PTPRA: variants seen among roughly 807,000 people sequenced by gnomAD.
PTPRA encodes receptor-type tyrosine-protein phosphatase alpha.
In PTPRA, 25 loss-of-function variants were observed where a neutral mutation model predicts 104.8. The ratio of observed to expected loss-of-function variants is 0.24; its 90% confidence interval spans 0.17 to 0.33. The LOEUF is 0.33. Among genes scored for constraint, PTPRA ranks in the 10% least tolerant of loss-of-function variants. PTPRA has a pLI of 1.00. For synonymous variants in PTPRA, 323 were observed against 368.9 expected (o/e 0.88, Z 1.43); for missense variants, 765 against 1,015.3 (o/e 0.75, Z 3.35).
Position 3,038,209 on chromosome 20 carries a change from A to C in PTPRA, c.*76A>C. 2 of 1,352,732 alleles carry C rather than the reference A, an allele frequency of 1.5e-6. No individual in the cohort carries two copies. The highest frequency in any genetic ancestry group is 2.1e-6 in the Non-Finnish European group (2 of 948,576). The allele number at this position is 1,352,732 out of a possible 1,614,324, so 83.8% of individuals were successfully genotyped here. A position where few individuals can be genotyped will look rare whatever the true frequency, so the allele number is the denominator to read the frequency against. ...TATTCTGTTTTGTTAATATACCCCA[A>C]ATTGTGTATATATCTTATAACTGTT... On this transcript the variant is annotated 3_prime_UTR_variant, in exon 24 of 24. Transcript: ENST00000399903.
the PTPRA span, among the ~76,000 whole-genome samples, chr20:2,867,350 A>G: frequency 1.3e-5 from 2 of 152,320 alleles, no homozygotes; most frequent in East Asian, 3.9e-4. Flanking sequence ...AGCAATTCCA[A>G]GTTGTCTCTG....
At chr20:2,952,463 C>T (rs2061386116) in intron 3 of PTPRA, among the ~76,000 whole-genome samples, 1 of 151,766 alleles carries the variant, frequency 6.6e-6, no homozygotes, top group Non-Finnish European at 1.5e-5. Context: ...ATCTGGATAC[C>T]AATCCTTTGT....
chr20:2,938,200 T>A (rs2060777932), intron 2 of PTPRA, among the ~76,000 whole-genome samples: 1 of 152,146 alleles, frequency 6.6e-6, no homozygotes, highest in Non-Finnish European at 1.5e-5. Context: ...TTTTCCTTTT[T>A]TTGAGACGGA....
intron 9 of PTPRA, among the ~76,000 whole-genome samples, chr20:2,991,519 T>C (rs2063174151): frequency 6.6e-6 from 1 of 152,250 alleles, no homozygotes; most frequent in African/African-American, 2.4e-5. Context: ...CTATACTTTT[T>C]TTCTGACAAA....
intron 5 of PTPRA, among the ~76,000 whole-genome samples, chr20:2,972,657 G>A (rs2062240662): frequency 6.6e-6 from 1 of 151,688 alleles, no homozygotes; most frequent in South Asian, 2.1e-4. Context: ...TTTTTGATAA[G>A]TTTTAGTTTT....
intron 5 of PTPRA, among the ~76,000 whole-genome samples, chr20:2,973,736 C>G (rs1259336248): frequency 6.6e-6 from 1 of 152,134 alleles, no homozygotes; most frequent in Non-Finnish European, 1.5e-5. Context: ...ATCCCGTTGG[C>G]TAGAATTCAT....
intron 1 of PTPRA, among the ~76,000 whole-genome samples, chr20:2,916,840 A>T (rs972286854): frequency 6.6e-6 from 1 of 152,208 alleles, no homozygotes; most frequent in Admixed American, 6.5e-5. Flanking sequence ...GTGCTTTGCA[A>T]TAAGTTTTGA....
the PTPRA span, chr20:2,865,083 C>A: frequency 6.2e-7 from 1 of 1,614,190 alleles, no homozygotes; most frequent in African/African-American, 1.3e-5. This position sits in a 1 kb window ranked among gnomAD's most constrained non-coding sequence, Gnocchi z 5.2. Flanking sequence ...CCAAGAGCCT[C>A]CTCGTCTCCT....
intron 16 of PTPRA, among the ~76,000 whole-genome samples, chr20:3,023,158 T>C (rs1293950555): frequency 2.0e-5 from 3 of 152,188 alleles, no homozygotes; most frequent in Admixed American, 2.0e-4. Flanking sequence ...TTGTTAAAAA[T>C]GTGTTTGCAG....
intron 1 of PTPRA, among the ~76,000 whole-genome samples, chr20:2,910,578 G>GTTTCTTTT (rs1337126801): frequency 2.2e-4 from 7 of 32,422 alleles, no homozygotes; most frequent in East Asian, 1.8e-3. Flanking sequence ...TGCCCAGCTA[G>GTTTCTTTT]TTTTTTTTTT....
At chr20:2,972,184 ATCT>A (rs2062219506) in intron 5 of PTPRA, among the ~76,000 whole-genome samples, 1 of 151,758 alleles carries the variant, frequency 6.6e-6, no homozygotes, top group African/African-American at 2.4e-5. Context: ...TAATTCTTTA[ATCT>A]TCTTAATTTT....
chr20:3,031,253 A>C (rs774877727), intron 20 of PTPRA, among the ~76,000 whole-genome samples: 1 of 152,088 alleles, frequency 6.6e-6, no homozygotes, highest in African/African-American at 2.4e-5. Context: ...ACTTCATGCT[A>C]TCTGGTGGAA....
chr20:2,900,970 T>TTTTTG (rs1005372352), intron 1 of PTPRA, among the ~76,000 whole-genome samples: 54 of 152,178 alleles, frequency 3.5e-4, no homozygotes, highest in African/African-American at 1.2e-3. Flanking sequence ...AATTTTGTTT[T>TTTTTG]TTTTGTTTTG....
At chr20:3,026,140 G>A (rs1401016619) in intron 17 of PTPRA, among the ~76,000 whole-genome samples, 1 of 151,774 alleles carries the variant, frequency 6.6e-6, no homozygotes, top group Non-Finnish European at 1.5e-5. Context: ...GTTTCACCAT[G>A]TTGGCCATGC....
chr20:3,011,641 A>T (rs1315503548), intron 11 of PTPRA, among the ~76,000 whole-genome samples: 1 of 152,216 alleles, frequency 6.6e-6, no homozygotes, highest in East Asian at 1.9e-4. Flanking sequence ...AAGGTATAAG[A>T]TGGGAAGTGG....
In PTPRA at chr20:2,910,578, G is replaced by GTTTCTTTTTTTTT. The variant is rs1337126801; in HGVS notation, c.-128-12626_-128-12625insCTTTTTTTTTTTT. On this transcript the variant is annotated intron_variant, in intron 1 of 23. Coordinates refer to ENST00000399903, the MANE Select transcript of PTPRA (RefSeq NM_001385305.1). ...AGGTGTGTGCTATCATGCCCAGCTAGTTTTTTTTTTGTTTTTTTTTTGTTT... is the reference window on the plus strand; with the variant it reads ...AGGTGTGTGCTATCATGCCCAGCTAGTTTCTTTTTTTTTTTTTTTTTTTGTTTTTTTTTTGTTT... 4.0e-4 allele frequency among the ~76,000 whole-genome samples: 13 copies of GTTTCTTTTTTTTT among 32,418 alleles called. 1 individual carries two copies. The highest frequency in any genetic ancestry group is 5.2e-4 in the Non-Finnish European group (10 of 19,342). The allele number at this position is 32,418 out of a possible 152,430, so 21.3% of individuals were successfully genotyped here. A position where few individuals can be genotyped will look rare whatever the true frequency, so the allele number is the denominator to read the frequency against.
At chr20:2,975,313 A>T (rs2062386606) in intron 6 of PTPRA, 72 bp downstream of exon 6, 1 of 1,341,734 alleles carries the variant, frequency 7.5e-7, no homozygotes, top group African/African-American at 1.5e-5. Flanking sequence ...CTCTGCTCAC[A>T]GTCTGTGGTA....
chr20:2,942,779 G>A (rs887925335), intron 2 of PTPRA, among the ~76,000 whole-genome samples: 28 of 151,212 alleles, frequency 1.9e-4, no homozygotes, highest in Admixed American at 1.5e-3. Context: ...TAGAATTAAT[G>A]TATACTTAAT....
intron 2 of PTPRA, among the ~76,000 whole-genome samples, chr20:2,932,773 A>G (rs2060554776): frequency 6.6e-6 from 1 of 152,222 alleles, no homozygotes; most frequent in Non-Finnish European, 1.5e-5. Flanking sequence ...CTGAGATAGG[A>G]ATGGTGGAAC....
Sources: gnomAD v4.1 joint callset for allele counts (sites outside exome capture counted in the v4.1 genomes callset) on GRCh38, gnomAD v4.1.1 for gene constraint, Gnocchi (gnomAD v3.1) non-coding constraint, MANE v1.5 for transcripts, NCBI Gene and HGNC (gene_info 2026-07-23, HGNC 2026-07-21) for gene names.